Variants in EYS observed in about 807,000 individuals in gnomAD.
EYS encodes the protein EGF-like photoreceptor maintenance factor, also known as protein eyes shut homolog.
In EYS, 250 loss-of-function variants were observed where a neutral mutation model predicts 282.1. The observed-to-expected ratio is 0.89, with a 90% confidence interval of 0.80 to 0.98. EYS has a LOEUF of 0.98. Among genes scored for constraint, EYS ranks in the 50% least tolerant of loss-of-function variants. The pLI, the probability that EYS is intolerant of heterozygous loss-of-function variation, is 0.00. For synonymous variants in EYS, 1,355 were observed against 1,282.9 expected (o/e 1.06, Z -1.20); for missense variants, 4,016 against 3,709.0 (o/e 1.08, Z -2.15).
At chr6:63,904,413 G>A (rs1773727374) in intron 35 of EYS, among the ~76,000 whole-genome samples, 1 of 151,976 alleles carries the variant, frequency 6.6e-6, no homozygotes. Flanking sequence ...ATGCCCGATA[G>A]CTCCCAAGAT....
intron 2 of EYS, among the ~76,000 whole-genome samples, chr6:65,536,897 C>A (rs886594849): frequency 6.6e-6 from 1 of 152,034 alleles, no homozygotes; most frequent in African/African-American, 2.4e-5. Flanking sequence ...GGACTTTTTT[C>A]ATAGAAACTG....
At chr6:65,007,979 TTGGTGATCTC>T (rs1217268546) in intron 13 of EYS, among the ~76,000 whole-genome samples, 2 of 152,094 alleles carry the variant, frequency 1.3e-5, no homozygotes, top group African/African-American at 2.4e-5. Flanking sequence ...GCCCGAGAGT[TTGGTGATCTC>T]TGGTATATCA....
intron 33 of EYS, among the ~76,000 whole-genome samples, chr6:64,033,043 C>T (rs956668933): frequency 6.6e-6 from 1 of 152,184 alleles, no homozygotes; most frequent in African/African-American, 2.4e-5. Context: ...AACATTGTAA[C>T]AGAAGATGCT....
At chr6:64,478,543 ACTT>A (rs1362368113) in intron 26 of EYS, among the ~76,000 whole-genome samples, 1 of 151,242 alleles carries the variant, frequency 6.6e-6, no homozygotes, top group Non-Finnish European at 1.5e-5. Flanking sequence ...CATTTTTTTA[ACTT>A]CTATTTTTGT....
rs952524334 is a variant in EYS, at chr6:65,230,059, G to A, written c.2023+65804C>T. Among the ~76,000 whole-genome samples the A allele has an allele frequency of 9.9e-5, 15 of 151,990 alleles. 1 individual carries two copies. Among genetic ancestry groups the A allele is most frequent in the Admixed American group, 7.9e-4 (12 of 15,248 alleles). On this transcript the variant is annotated intron_variant, in intron 12 of 42. Coordinates refer to ENST00000503581, the MANE Select transcript of EYS (RefSeq NM_001142800.2). ...ACTGTTAGAAAGTATAGGGGTCAAT[G>A]AACTATGAAAAGTGAATATTTATAC...
chr6:64,803,359 G>A (rs1241203107), intron 22 of EYS, among the ~76,000 whole-genome samples: 1 of 151,580 alleles, frequency 6.6e-6, no homozygotes, highest in African/African-American at 2.4e-5. Flanking sequence ...TGGCTGAGTA[G>A]GGGGACTGAA....
rs547733018 is a variant in EYS at position 64,882,148 on chromosome 6, T to C, written c.2992+4549A>G. On this transcript the variant is annotated intron_variant, in intron 19 of 42. Coordinates refer to ENST00000503581, the MANE Select transcript of EYS (RefSeq NM_001142800.2). ...CATGGACATCAAGAGTCTATACCAG[T>C]ACACAGTACCCAAATACCAGGGACA... 6.6e-5 allele frequency among the ~76,000 whole-genome samples: 10 copies of C among 151,856 alleles called. No homozygotes were observed. The South Asian group carries it at 2.1e-3, about 31-fold the overall frequency.
intron 22 of EYS, among the ~76,000 whole-genome samples, chr6:64,657,557 G>C (rs1302685271): frequency 2.0e-5 from 3 of 152,066 alleles, no homozygotes; most frequent in Non-Finnish European, 2.9e-5. Context: ...CTGGTGGTGA[G>C]AAAATATCTC....
intron 2 of EYS, among the ~76,000 whole-genome samples, chr6:65,531,962 G>C (rs1469222347): frequency 6.6e-6 from 1 of 152,012 alleles, no homozygotes; most frequent in Non-Finnish European, 1.5e-5. Flanking sequence ...TGTTAACTCT[G>C]TGTAAGTTAC....
At chr6:65,555,453 C>T (rs1039397401) in intron 2 of EYS, among the ~76,000 whole-genome samples, 1 of 151,890 alleles carries the variant, frequency 6.6e-6, no homozygotes, top group South Asian at 2.1e-4. Flanking sequence ...TATATTAGTT[C>T]ATATTACTTA....
At chr6:64,946,011 TTA>T (rs1769278119) in intron 14 of EYS, 97 bp from the exon 15 acceptor site, 2 of 984,498 alleles carry the variant, frequency 2.0e-6, no homozygotes, top group Non-Finnish European at 2.8e-6. Context: ...CTCTGTCAAT[TTA>T]TAATTTTTTT....
At chr6:65,291,799 C>T (rs934000813) in intron 12 of EYS, among the ~76,000 whole-genome samples, 2 of 151,474 alleles carry the variant, frequency 1.3e-5, no homozygotes, top group East Asian at 3.9e-4. Context: ...CTCAGTACAT[C>T]GAAAGAGTAG....
Position 64,590,923 on chromosome 6 carries a change from G to C in EYS, c.4944C>G (p.Ser1648=). 6.4e-7 allele frequency: 1 copy of C among 1,550,436 alleles called. No individual in the cohort carries two copies. Among genetic ancestry groups the C allele is most frequent in the African/African-American group, 1.4e-5 (1 of 73,100 alleles). The part of the protein sequence containing the change: ...RTILSSSLEE[S]ITLSSNLDVN... ...CATCCAAATTACTTGATAGGGTAATGGATTCTTCCAAGGATGAGGATAAAA... is the reference window on the plus strand; with the variant it reads ...CATCCAAATTACTTGATAGGGTAATCGATTCTTCCAAGGATGAGGATAAAA... Residue 1648 remains serine (S), a synonymous_variant, in exon 26 of 43, where the codon TCC becomes TCG. Transcript: ENST00000503581.
chr6:64,187,824 CAGAT>C (rs1383320227), intron 31 of EYS, among the ~76,000 whole-genome samples: 1 of 150,870 alleles, frequency 6.6e-6, no homozygotes. Flanking sequence ...AGTAATTAGA[CAGAT>C]TTTTTTTTTA....
chr6:65,287,435 T>A (rs1020425347), intron 12 of EYS, among the ~76,000 whole-genome samples: 4 of 151,472 alleles, frequency 2.6e-5, no homozygotes, highest in Non-Finnish European at 5.9e-5. Flanking sequence ...TTGGAGAAAA[T>A]CCCAGATGTG....
intron 31 of EYS, among the ~76,000 whole-genome samples, chr6:64,088,020 G>T (rs1227750997): frequency 6.6e-6 from 1 of 152,020 alleles, no homozygotes; most frequent in African/African-American, 2.4e-5. Flanking sequence ...CCTGTTTTCA[G>T]TGCTGACAGG....
chr6:65,317,930 C>T lies in EYS; in HGVS notation c.1766+17050G>A, dbSNP rs568637246. Among the ~76,000 whole-genome samples the T allele has an allele frequency of 6.7e-5, 10 of 148,276 alleles. No individual in the cohort carries two copies. In the South Asian group the frequency reaches 8.6e-4, roughly 13 times the overall value. ...TTGCCCAGGCTGGAGGGCAGTGGTGCGATCTCGGCTCACCGCAACCTCCTC... is the reference window on the plus strand; with the variant it reads ...TTGCCCAGGCTGGAGGGCAGTGGTGTGATCTCGGCTCACCGCAACCTCCTC... On this transcript the variant is annotated intron_variant, in intron 11 of 42. Transcript: ENST00000503581.
chr6:64,912,150 T>C (rs985617606), intron 16 of EYS, among the ~76,000 whole-genome samples: 4 of 152,098 alleles, frequency 2.6e-5, no homozygotes, highest in African/African-American at 9.6e-5. Flanking sequence ...TCTAACTAAC[T>C]GCTATTGTCA....
At chr6:65,473,039 G>A (rs192359848) in intron 5 of EYS, among the ~76,000 whole-genome samples, 1 of 151,856 alleles carries the variant, frequency 6.6e-6, no homozygotes, top group East Asian at 1.9e-4. Flanking sequence ...CTGGTTCTTA[G>A]ACATTAAAAA....
Sources: gnomAD v4.1 joint callset for allele counts (sites outside exome capture counted in the v4.1 genomes callset) on GRCh38, gnomAD v4.1.1 for gene constraint, MANE v1.5 for transcripts, NCBI Gene and HGNC (gene_info 2026-07-23, HGNC 2026-07-21) for gene names.